Variants in ENOX1 observed in about 807,000 individuals in gnomAD.
The protein encoded by ENOX1 is ecto-NOX disulfide-thiol exchanger 1.
A neutral mutation model predicts 82.5 loss-of-function variants in ENOX1; 42 were observed. The observed-to-expected ratio is 0.51, with a 90% CI of 0.40 to 0.66. The LOEUF is 0.66. ENOX1 is among the 30% of genes least tolerant of loss of function. ENOX1 has a pLI of 0.00. For synonymous variants in ENOX1, 271 were observed against 282.2 expected (o/e 0.96, Z 0.40); for missense variants, 608 against 811.6 (o/e 0.75, Z 3.05).
At chr13:43,563,295 G>T (rs2079768848) in intron 2 of ENOX1, among the ~76,000 whole-genome samples, 1 of 152,096 alleles carries the variant, frequency 6.6e-6, no homozygotes, top group South Asian at 2.1e-4. Flanking sequence ...TAACTAGTGG[G>T]TCAATGAAAT....
chr13:43,564,317 A>C (rs1214781812), intron 2 of ENOX1, among the ~76,000 whole-genome samples: 1 of 152,126 alleles, frequency 6.6e-6, no homozygotes, highest in African/African-American at 2.4e-5. Context: ...AATGCCAATT[A>C]CATTCTTCAC....
In ENOX1 at chr13:43,786,475, A is replaced by G. The variant is rs2153861789; in HGVS notation, c.-285+177T>C. ...GGGAAGGGCGTGGGGGCTGCACCGA[A>G]GCCCCCACGCGTCCACGCACCCCTC... On this transcript the variant is annotated intron_variant, in intron 1 of 16. Transcript: ENST00000690772. The surrounding 1 kb of genome is among the most constrained non-coding windows in gnomAD (Gnocchi z 6.0). 6.6e-6 allele frequency among the ~76,000 whole-genome samples: 1 copy of G among 150,638 alleles called. No individual in the cohort carries two copies. The highest frequency in any genetic ancestry group is 1.5e-5 in the Non-Finnish European group (1 of 67,632).
intron 2 of ENOX1, among the ~76,000 whole-genome samples, chr13:43,485,182 A>G (rs4942232): frequency 0.76 from 116,034 of 152,060 alleles, 44,450 homozygotes; most frequent in East Asian, 0.98. Context: ...TTCCATTCTC[A>G]TTTTTAGTCA....
At chr13:43,556,233 GTT>G (rs5803187) in intron 2 of ENOX1, among the ~76,000 whole-genome samples, 2,270 of 148,044 alleles carry the variant, frequency 0.015, 34 homozygotes, top group African/African-American at 0.046. Flanking sequence ...AACTTGCCCA[GTT>G]TTTTTTTTTT....
intron 3 of ENOX1, among the ~76,000 whole-genome samples, chr13:43,426,120 T>C (rs1473163329): frequency 6.6e-6 from 1 of 152,218 alleles, no homozygotes; most frequent in Non-Finnish European, 1.5e-5. Context: ...GTGTGTAAGA[T>C]AAAGCTATAC....
chr13:43,318,537 C>A (rs2153523565), intron 11 of ENOX1, among the ~76,000 whole-genome samples: 1 of 152,340 alleles, frequency 6.6e-6, no homozygotes, highest in Middle Eastern at 3.4e-3. Flanking sequence ...GTATAAAGTT[C>A]TGAACATTTT....
Position 43,390,356 on chromosome 13 carries a change from T to C in ENOX1, c.208+21560A>G, listed in dbSNP as rs145218322. ...TGGCTGTGTCTAATAATAACTTCAA[T>C]GGACACATATGATACTTGTTTAATT... On this transcript the variant is annotated intron_variant, in intron 5 of 16. Transcript: ENST00000690772. Among the ~76,000 whole-genome samples the C allele has an allele frequency of 1.5e-3, 222 of 152,226 alleles. 1 individual carries two copies. The highest frequency in any genetic ancestry group is 5.1e-3 in the African/African-American group (213 of 41,554).
intron 1 of ENOX1, among the ~76,000 whole-genome samples, chr13:43,683,765 C>A (rs112342966): frequency 6.6e-6 from 1 of 152,054 alleles, no homozygotes; most frequent in Non-Finnish European, 1.5e-5. Context: ...AATGTCTTGG[C>A]GACACCACCT....
At chr13:43,290,567 A>C (rs1372826335) in intron 12 of ENOX1, among the ~76,000 whole-genome samples, 1 of 152,198 alleles carries the variant, frequency 6.6e-6, no homozygotes, top group Non-Finnish European at 1.5e-5. Flanking sequence ...CATGGACATA[A>C]ATATGGGAGC....
chr13:43,595,964 C>G (rs1055892939), intron 2 of ENOX1, among the ~76,000 whole-genome samples: 1 of 152,074 alleles, frequency 6.6e-6, no homozygotes, highest in African/African-American at 2.4e-5. Context: ...TCTAAGAATT[C>G]CTCTTCAAAA....
Position 43,359,930 on chromosome 13 carries a change from T to G in ENOX1, c.510A>C (p.Ala170=). 6.2e-7 allele frequency: 1 copy of G among 1,614,232 alleles called. No individual in the cohort carries two copies. The highest frequency in any genetic ancestry group is 8.5e-7 in the Non-Finnish European group (1 of 1,180,020). Residue 170 remains alanine, a synonymous_variant, in exon 7 of 17, where the codon GCA becomes GCC. Coordinates refer to ENST00000690772, the MANE Select transcript of ENOX1 (RefSeq NM_001347969.2). ...EVFEQCGDIT[A]IRKSKKNFCH... is the part of the protein sequence containing the mutation. ...AAAAATTCTTCTTGCTTTTCCGAAT[T>G]GCTGTAATATCACCGCACTGTTCAA...
At position 43,337,547 on chromosome 13, in the gene ENOX1, AGG is replaced by A. The variant is rs1461184423; in HGVS notation, c.1036+6989_1036+6990del. On this transcript the variant is annotated intron_variant, in intron 9 of 16. Coordinates refer to ENST00000690772, the MANE Select transcript of ENOX1 (RefSeq NM_001347969.2). The stretch of plus-strand genomic sequence containing the variant: ...GGACTTCAATTTTGGCACTTGGAGG[AGG>A]GGAAATAGTTCAGGCAAAGGAAACA... Among the ~76,000 whole-genome samples the A allele has an allele frequency of 5.3e-5, 8 of 152,024 alleles. No homozygotes were observed. In the East Asian group the frequency reaches 1.5e-3, roughly 29 times the overall value.
intron 5 of ENOX1, among the ~76,000 whole-genome samples, chr13:43,376,957 C>T (rs1424298982): frequency 2.6e-5 from 4 of 152,184 alleles, no homozygotes; most frequent in Non-Finnish European, 4.4e-5. Context: ...ACCATGCACT[C>T]CAGCTACCTC....
intron 2 of ENOX1, among the ~76,000 whole-genome samples, chr13:43,619,647 G>C (rs1173349295): frequency 6.6e-6 from 1 of 152,208 alleles, no homozygotes; most frequent in East Asian, 1.9e-4. Context: ...GTTGGATTCA[G>C]TTAGCTGGTA....
At chr13:43,506,154 G>A (rs2077153225) in intron 2 of ENOX1, among the ~76,000 whole-genome samples, 2 of 151,952 alleles carry the variant, frequency 1.3e-5, no homozygotes, top group South Asian at 4.2e-4. Flanking sequence ...GGTTACTGTA[G>A]TCTTGTAGTA....
At chr13:43,601,933 A>G (rs1246167967) in intron 2 of ENOX1, among the ~76,000 whole-genome samples, 1 of 152,196 alleles carries the variant, frequency 6.6e-6, no homozygotes, top group African/African-American at 2.4e-5. Context: ...TTCTTATCCT[A>G]GAATAGTATA....
At chr13:43,229,734 G>C (rs1204446560) in intron 15 of ENOX1, among the ~76,000 whole-genome samples, 1 of 152,200 alleles carries the variant, frequency 6.6e-6, no homozygotes, top group Non-Finnish European at 1.5e-5. Flanking sequence ...ACTGCAAAGG[G>C]AGAAGCGGAC....
chr13:43,354,617 T>G (rs1036043920), intron 8 of ENOX1, among the ~76,000 whole-genome samples: 2 of 152,196 alleles, frequency 1.3e-5, no homozygotes, highest in Non-Finnish European at 2.9e-5. Flanking sequence ...TCTAAAACAC[T>G]TGAAGGATCA....
intron 3 of ENOX1, among the ~76,000 whole-genome samples, chr13:43,467,075 A>G (rs2153642499): frequency 6.6e-6 from 1 of 152,298 alleles, no homozygotes; most frequent in Admixed American, 6.5e-5. Flanking sequence ...TAGGAATAAA[A>G]TTGCTATGAA....
Sources: allele counts gnomAD v4.1 joint callset (sites outside exome capture counted in the v4.1 genomes callset), GRCh38; gene constraint gnomAD v4.1.1; non-coding constraint Gnocchi (gnomAD v3.1); transcripts MANE v1.5; gene names NCBI Gene and HGNC (gene_info 2026-07-23, HGNC 2026-07-21).